Variants in MOCS2 observed in about 807,000 individuals in gnomAD.
The protein encoded by MOCS2 is molybdenum cofactor synthesis 2.
In MOCS2, 13 loss-of-function variants were observed where a neutral mutation model predicts 21.9. The ratio of observed to expected loss-of-function variants is 0.59; its 90% confidence interval spans 0.39 to 0.94. The LOEUF is 0.94. MOCS2 is among the 40% of genes least tolerant of loss of function. MOCS2 has a pLI of 0.00. For synonymous variants in MOCS2, 92 were observed against 80.8 expected (o/e 1.14, Z -0.74); for missense variants, 227 against 218.3 (o/e 1.04, Z -0.25).
chr5:53,108,646 G>A lies in MOCS2; in HGVS notation c.-169-3C>T. ...TTTGCAAAATACAATACTTCAACCT[G>A]AAAGTAAAGAAAATGCTTTTAATAA... On this transcript the variant is annotated splice_region_variant and splice_polypyrimidine_tract_variant and intron_variant, in intron 1 of 6. Transcript: ENST00000396954. 1 of 1,611,026 alleles carries A rather than the reference G, an allele frequency of 6.2e-7. No homozygotes were observed. The highest frequency in any genetic ancestry group is 8.5e-7 in the Non-Finnish European group (1 of 1,178,918).
At chr5:53,108,322 G>C (rs1186660134) in intron 2 of MOCS2, among the ~76,000 whole-genome samples, 200 bp downstream of exon 2, 1 of 152,192 alleles carries the variant, frequency 6.6e-6, no homozygotes, top group East Asian at 1.9e-4. Flanking sequence ...GGTTCACTGT[G>C]TTTTGGGGTA....
In MOCS2 at chr5:53,095,936, A is replaced by T. The variant is rs1157657104; in HGVS notation, c.*2666T>A. 2 of 152,206 alleles carry T rather than the reference A, an allele frequency of 1.3e-5. No homozygotes were observed. Among genetic ancestry groups the T allele is most frequent in the African/African-American group, 4.8e-5 (2 of 41,458 alleles). 9.4% of individuals were successfully genotyped at this position (152,206 alleles called of 1,614,324 possible). A position where few individuals can be genotyped will look rare whatever the true frequency, so the allele number is the denominator to read the frequency against. ...TTTAATATTTTTAAGGTGTCAATTA[A>T]AGATTGGACATCATCTTACATAAAA... On this transcript the variant is annotated 3_prime_UTR_variant, in exon 7 of 7. Coordinates refer to ENST00000396954, the MANE Select transcript of MOCS2 (RefSeq NM_004531.5).
At chr5:53,102,931 G>A (rs368125190) in intron 3 of MOCS2, among the ~76,000 whole-genome samples, 19 of 143,670 alleles carry the variant, frequency 1.3e-4, no homozygotes, top group Admixed American at 4.4e-4. Flanking sequence ...CAGTCTGGGC[G>A]ACAAAGTGAT....
In MOCS2 at chr5:53,097,153, G is replaced by A. The variant is rs1740759989; in HGVS notation, c.*1449C>T. 1.3e-5 allele frequency: 2 copies of A among 152,296 alleles called. No individual in the cohort carries two copies. Among genetic ancestry groups the A allele is most frequent in the South Asian group, 4.1e-4 (2 of 4,838 alleles). The allele number at this position is 152,296 out of a possible 1,614,324, so 9.4% of individuals were successfully genotyped here. A position where few individuals can be genotyped will look rare whatever the true frequency, so the allele number is the denominator to read the frequency against. ...ACCCGGCAGAGGAAGTAGGCGGAGG[G>A]TTTGTCTGCCCTTCCAGTATCCTTC... On this transcript the variant is annotated 3_prime_UTR_variant, in exon 7 of 7. Coordinates refer to ENST00000396954, the MANE Select transcript of MOCS2 (RefSeq NM_004531.5).
rs1394110943 is a variant in MOCS2, at chr5:53,098,646, T to C, written c.523A>G (p.Thr175Ala). ...WKKEIYEESS[T>A]WKGNKECFWA... The stretch of plus-strand genomic sequence containing the variant: ...AAGCACTCTTTGTTTCCTTTCCAAG[T>C]TGATGACTCTTCGTATATTTCCTAA... Residue 175 changes from threonine (T) to alanine (A), a missense_variant, in exon 7 of 7, where the codon ACT (threonine) becomes GCT (alanine). Thr to Ala is a moderately conservative substitution (Grantham distance 58, BLOSUM62 0). Transcript: ENST00000396954. 4.3e-6 allele frequency: 7 copies of C among 1,613,682 alleles called. No homozygotes were observed. In the African/African-American group the frequency reaches 8.0e-5, roughly 18 times the overall value.
intron 3 of MOCS2, among the ~76,000 whole-genome samples, chr5:53,105,813 T>A (rs1741035138): frequency 6.6e-6 from 1 of 152,042 alleles, no homozygotes; most frequent in Non-Finnish European, 1.5e-5. Context: ...GGGAGAAAAA[T>A]TTTGCAAACT....
At position 53,107,110 on chromosome 5, in the gene MOCS2, G is replaced by A. The variant is rs746626353; in HGVS notation, c.65C>T (p.Pro22Leu). The change falls in exon 3 of 7, where the codon CCA (proline) becomes CTA (leucine). Residue 22 changes from proline to leucine, a missense_variant. Pro to Leu is a moderately conservative substitution (Grantham distance 98). Coordinates refer to ENST00000396954, the MANE Select transcript of MOCS2 (RefSeq NM_004531.5). ...CTCAAAAGCACTATCCTCCACTAAT[G>A]GGGGGGATAACGGCAATTTCGTCTC... is the stretch of plus-strand genomic sequence containing the variant. ...SLETKLPLSP[P>L]LVEDSAFEPS... 1.2e-6 allele frequency: 2 copies of A among 1,613,542 alleles called. No homozygotes were observed. Among genetic ancestry groups the A allele is most frequent in the East Asian group, 2.2e-5 (1 of 44,862 alleles).
At chr5:53,100,596 C>G in intron 5 of MOCS2, 62 bp from the exon 6 acceptor site, 1 of 1,576,390 alleles carries the variant, frequency 6.3e-7, no homozygotes, top group East Asian at 2.3e-5. Flanking sequence ...GTTAAAGAAT[C>G]TGCTAGACAG....
At chr5:53,098,759 A>G (rs189554704) in intron 6 of MOCS2, 92 bp from the exon 7 acceptor site, 5 of 928,608 alleles carry the variant, frequency 5.4e-6, no homozygotes, top group East Asian at 2.6e-5. Context: ...AATGAATATC[A>G]CATCTATTTC....
In MOCS2 at chr5:53,096,748, A is replaced by C. The variant is rs955977762; in HGVS notation, c.*1854T>G. On this transcript the variant is annotated 3_prime_UTR_variant, in exon 7 of 7. Transcript: ENST00000396954. ...CCTCTCTGTTGGAGACTTTAAAAGC[A>C]TAACAGTCTCAGTTCCAAACTTAGA... The C allele has an allele frequency of 2.0e-5, 3 of 152,246 alleles. No homozygotes were observed. The highest frequency in any genetic ancestry group is 7.2e-5 in the African/African-American group (3 of 41,468). 9.4% of individuals were successfully genotyped at this position (152,246 alleles called of 1,614,324 possible). A position where few individuals can be genotyped will look rare whatever the true frequency, so the allele number is the denominator to read the frequency against.
chr5:53,103,118 G>C (rs1417838377), intron 3 of MOCS2, among the ~76,000 whole-genome samples: 2 of 151,976 alleles, frequency 1.3e-5, no homozygotes, highest in South Asian at 2.1e-4. Context: ...AAATGTGTTA[G>C]GAGGCATGAT....
rs1740804317 is a variant in MOCS2 at position 53,098,252 on chromosome 5, G to C, written c.*350C>G. 7.9e-6 allele frequency: 2 copies of C among 252,716 alleles called. No individual in the cohort carries two copies. Among genetic ancestry groups the C allele is most frequent in the Non-Finnish European group, 7.7e-6 (1 of 130,050 alleles). The allele number at this position is 252,716 out of a possible 1,614,324, so 15.7% of individuals were successfully genotyped here. ...GGGCGGTGAGGTGGGGTTGGTGGGG[G>C]AGTACGTTTCTGAGCTAGTTAAAGT... On this transcript the variant is annotated 3_prime_UTR_variant, in exon 7 of 7. Coordinates refer to ENST00000396954, the MANE Select transcript of MOCS2 (RefSeq NM_004531.5).
chr5:53,106,799 G>C (rs1228898699), intron 3 of MOCS2, among the ~76,000 whole-genome samples: 1 of 152,086 alleles, frequency 6.6e-6, no homozygotes, highest in Non-Finnish European at 1.5e-5. Flanking sequence ...ATATTAATAT[G>C]TCACTGTGCC....
chr5:53,100,764 C>T, intron 5 of MOCS2: 1 of 510,284 alleles, frequency 2.0e-6, no homozygotes, highest in South Asian at 2.1e-5. Context: ...ATCCACTAAA[C>T]CCTCCTGATG....
chr5:53,109,354 C>T lies in MOCS2; in HGVS notation c.-273G>A. 8.9e-7 allele frequency: 1 copy of T among 1,121,584 alleles called. No homozygotes were observed. Among genetic ancestry groups the T allele is most frequent in the Non-Finnish European group, 1.1e-6 (1 of 917,708 alleles). 69.5% of individuals were successfully genotyped at this position (1,121,584 alleles called of 1,614,324 possible). A position where few individuals can be genotyped will look rare whatever the true frequency, so the allele number is the denominator to read the frequency against. ...AAGCACAGTTCTTCACAAGAATTCT[C>T]CATGAGGTGCATTTCTTTTTAGATT... On this transcript the variant is annotated 5_prime_UTR_variant, in exon 1 of 7. Coordinates refer to ENST00000396954, the MANE Select transcript of MOCS2 (RefSeq NM_004531.5).
chr5:53,101,340 G>C lies in MOCS2; in HGVS notation c.377+19C>G. 3 of 1,611,916 alleles carry C rather than the reference G, an allele frequency of 1.9e-6. No homozygotes were observed. Among genetic ancestry groups the C allele is most frequent in the Non-Finnish European group, 1.7e-6 (2 of 1,178,372 alleles). On this transcript the variant is annotated intron_variant, in intron 5 of 6. Coordinates refer to ENST00000396954, the MANE Select transcript of MOCS2 (RefSeq NM_004531.5). ...AAAACAATTACACTTAACTTTTAGA[G>C]TGATAAAGGAAATCATACCCAAGTC...
chr5:53,101,020 ACTCTT>A (rs1177831314), intron 5 of MOCS2: 2 of 366,112 alleles, frequency 5.5e-6, no homozygotes, highest in East Asian at 5.9e-5. Flanking sequence ...AAAGCCAAGA[ACTCTT>A]CTCTTTTTAG....
intron 3 of MOCS2, among the ~76,000 whole-genome samples, chr5:53,106,444 G>A (rs993385797): frequency 3.3e-5 from 5 of 152,072 alleles, no homozygotes; most frequent in Non-Finnish European, 5.9e-5. Flanking sequence ...CAACTAATGC[G>A]GGAACAGAAA....
In MOCS2 at chr5:53,109,661, C is replaced by T; in HGVS notation, c.-580G>A. The T allele has an allele frequency of 1.3e-6, 2 of 1,549,508 alleles. No individual in the cohort carries two copies. Among genetic ancestry groups the T allele is most frequent in the Non-Finnish European group, 1.7e-6 (2 of 1,146,590 alleles). ...GTGGAGGGAAAGGGCGGGAGAGACACGTCGAGGAGGGCTCCGCACCCAGGC... is the reference window on the plus strand; with the variant it reads ...GTGGAGGGAAAGGGCGGGAGAGACATGTCGAGGAGGGCTCCGCACCCAGGC... On this transcript the variant is annotated 5_prime_UTR_variant, in exon 1 of 7. In the 5' UTR this introduces an upstream ATG that the reference lacks. Coordinates refer to ENST00000396954, the MANE Select transcript of MOCS2 (RefSeq NM_004531.5).
Sources: allele counts gnomAD v4.1 joint callset (sites outside exome capture counted in the v4.1 genomes callset), GRCh38; gene constraint gnomAD v4.1.1; transcripts MANE v1.5; gene names NCBI Gene and HGNC (gene_info 2026-07-23, HGNC 2026-07-21).